Variants in MAP4K3 observed in about 807,000 individuals in gnomAD.
MAP4K3 encodes the protein MAPK/ERK kinase kinase kinase 3.
MAP4K3 carries 94 observed loss-of-function variants against 143.5 expected under a neutral mutation model. The observed-to-expected ratio is 0.65, with a 90% CI of 0.55 to 0.78. The LOEUF (loss-of-function observed/expected upper bound fraction) is 0.78. MAP4K3 is among the 30% of genes least tolerant of loss of function. The pLI is 0.00. For missense variants in MAP4K3, 1,077 were observed against 1,068.1 expected (o/e 1.01, Z -0.12); for synonymous variants, 416 against 347.2 (o/e 1.20, Z -2.20).
intron 2 of MAP4K3, among the ~76,000 whole-genome samples, chr2:39,369,213 T>TTGTTTTTTTTTTTTTTA (rs1666013971): frequency 1.4e-5 from 2 of 147,888 alleles, no homozygotes; most frequent in African/African-American, 2.6e-5. Flanking sequence ...TTGTTTTTTT[T>TTGTTTTTTTTTTTTTTA]GAGATGCAGT....
At chr2:39,270,036 G>A (rs1291199386) in intron 26 of MAP4K3, among the ~76,000 whole-genome samples, 1 of 152,008 alleles carries the variant, frequency 6.6e-6, no homozygotes, top group Non-Finnish European at 1.5e-5. Context: ...GACAGATTTC[G>A]GCTGGCAGAA....
chr2:39,274,746 C>T (rs1022434659), intron 24 of MAP4K3, among the ~76,000 whole-genome samples: 1 of 152,112 alleles, frequency 6.6e-6, no homozygotes, highest in Non-Finnish European at 1.5e-5. Flanking sequence ...GTGTTCTTAT[C>T]TGTAAAACAG....
chr2:39,432,113 T>G (rs1665308287), intron 1 of MAP4K3, among the ~76,000 whole-genome samples: 1 of 152,252 alleles, frequency 6.6e-6, no homozygotes, highest in African/African-American at 2.4e-5. Flanking sequence ...CCTTGTCATT[T>G]CTGCTACTCT....
At chr2:39,262,046 TTA>T (rs573156207) in intron 28 of MAP4K3, among the ~76,000 whole-genome samples, 96 of 152,342 alleles carry the variant, frequency 6.3e-4, no homozygotes, top group African/African-American at 2.2e-3. Context: ...TAGTTCATTC[TTA>T]TATATTTTAT....
intron 28 of MAP4K3, among the ~76,000 whole-genome samples, chr2:39,262,376 C>T (rs1352316800): frequency 1.3e-5 from 2 of 152,174 alleles, no homozygotes; most frequent in Admixed American, 1.3e-4. Flanking sequence ...CTCCAAACCT[C>T]TTCTCTAGGA....
At chr2:39,436,286 A>G (rs1025808674) in intron 1 of MAP4K3, among the ~76,000 whole-genome samples, 4 of 152,028 alleles carry the variant, frequency 2.6e-5, no homozygotes, top group Admixed American at 2.6e-4. Context: ...TCGCAGTCCA[A>G]TTCGACTTAG....
chr2:39,281,872 C>T (rs1387872206), intron 22 of MAP4K3, among the ~76,000 whole-genome samples: 2 of 151,084 alleles, frequency 1.3e-5, no homozygotes, highest in Non-Finnish European at 2.9e-5. Flanking sequence ...ATAAAGTATA[C>T]TCTGTGCTAA....
chr2:39,323,286 C>A (rs1043377318), intron 12 of MAP4K3: 1 of 152,032 alleles, frequency 6.6e-6, no homozygotes, highest in Non-Finnish European at 1.5e-5. Context: ...GTTTCTTTCC[C>A]TGCTATATGA....
chr2:39,414,186 T>TC (rs1269472953), intron 1 of MAP4K3, among the ~76,000 whole-genome samples: 1 of 152,098 alleles, frequency 6.6e-6, no homozygotes, highest in Non-Finnish European at 1.5e-5. Flanking sequence ...CACCAACCTC[T>TC]CCATCAAAAG....
intron 1 of MAP4K3, among the ~76,000 whole-genome samples, chr2:39,431,987 CA>C (rs1326246730): frequency 1.3e-5 from 2 of 152,190 alleles, no homozygotes; most frequent in Non-Finnish European, 2.9e-5. Flanking sequence ...GAGAGTCTCT[CA>C]GCCAGCAAGA....
intron 13 of MAP4K3, among the ~76,000 whole-genome samples, chr2:39,311,165 C>T (rs1682924484): frequency 6.6e-6 from 1 of 152,138 alleles, no homozygotes; most frequent in South Asian, 2.1e-4. Context: ...GCAACCTCCA[C>T]CTCCTGGGTT....
intron 13 of MAP4K3, 55 bp from the exon 14 acceptor site, chr2:39,309,574 T>TTTC: frequency 9.1e-7 from 1 of 1,093,390 alleles, no homozygotes; most frequent in Non-Finnish European, 1.3e-6. Context: ...TTTTTTTTTT[T>TTTC]TGAGGCAGAG....
chr2:39,286,796 CTT>C (rs1327921433), intron 21 of MAP4K3, 54 bp downstream of exon 21: 5 of 1,100,930 alleles, frequency 4.5e-6, no homozygotes, highest in Non-Finnish European at 6.5e-6. Context: ...ATAAAACTAA[CTT>C]AACAGTTAAA....
At chr2:39,417,394 T>C (rs1667413320) in intron 1 of MAP4K3, among the ~76,000 whole-genome samples, 1 of 152,158 alleles carries the variant, frequency 6.6e-6, no homozygotes, top group African/African-American at 2.4e-5. Flanking sequence ...TAATTTTTTG[T>C]ATTTTTAGTA....
At chr2:39,398,175 A>T (rs1215088875) in intron 1 of MAP4K3, among the ~76,000 whole-genome samples, 1 of 152,238 alleles carries the variant, frequency 6.6e-6, no homozygotes. Flanking sequence ...AGAAATACAC[A>T]TGTACAAGCT....
intron 1 of MAP4K3, among the ~76,000 whole-genome samples, chr2:39,418,498 C>A (rs1049833889): frequency 1.3e-5 from 2 of 152,122 alleles, no homozygotes; most frequent in Admixed American, 6.5e-5. Flanking sequence ...TTGAGTGTGG[C>A]GCTGTGTTTA....
chr2:39,290,538 A>G (rs547759033), intron 18 of MAP4K3, among the ~76,000 whole-genome samples: 3 of 152,282 alleles, frequency 2.0e-5, no homozygotes, highest in South Asian at 2.1e-4. Context: ...ACATTATGTT[A>G]AGTGAAATAA....
At chr2:39,436,784 TC>T in intron 1 of MAP4K3, 107 bp downstream of exon 1, 1 of 913,578 alleles carries the variant, frequency 1.1e-6, no homozygotes, top group Admixed American at 2.1e-5. Flanking sequence ...CCCCGACTGC[TC>T]CCTGGCGCCA....
At chr2:39,403,288 G>A (rs896928397) in intron 1 of MAP4K3, among the ~76,000 whole-genome samples, 2 of 152,106 alleles carry the variant, frequency 1.3e-5, no homozygotes, top group African/African-American at 4.8e-5. Context: ...CCAAAACTCA[G>A]GTGTGCACTC....
Sources: allele counts gnomAD v4.1 joint callset (sites outside exome capture counted in the v4.1 genomes callset), GRCh38; gene constraint gnomAD v4.1.1; transcripts MANE v1.5; gene names NCBI Gene and HGNC (gene_info 2026-07-23, HGNC 2026-07-21).